Variants in GLP1R observed in about 807,000 individuals in gnomAD.
GLP1R encodes the protein glucagon like peptide 1 receptor, also known as glucagon-like peptide 1 receptor.
A neutral mutation model predicts 68.4 loss-of-function variants in GLP1R; 32 were observed. That is an observed-to-expected ratio of 0.47 (90% confidence interval 0.35 to 0.63). The LOEUF (loss-of-function observed/expected upper bound fraction) is 0.63. GLP1R is among the 20% of genes least tolerant of loss of function. GLP1R has a pLI of 0.00. For missense variants in GLP1R, 502 were observed against 594.9 expected (o/e 0.84, Z 1.62); for synonymous variants, 263 against 244.4 (o/e 1.08, Z -0.71).
At chr6:39,076,029 T>G (rs1458851260) in intron 7 of GLP1R, among the ~76,000 whole-genome samples, 1 of 152,236 alleles carries the variant, frequency 6.6e-6, no homozygotes, top group African/African-American at 2.4e-5. Flanking sequence ...GCAGCAGGGC[T>G]TTCGTGACTG....
intron 5 of GLP1R, among the ~76,000 whole-genome samples, chr6:39,069,342 T>A (rs947758462): frequency 6.6e-6 from 1 of 152,108 alleles, no homozygotes; most frequent in Non-Finnish European, 1.5e-5. Flanking sequence ...CTGTGAAGAT[T>A]GAAATTTTTG....
rs995794321 is a variant in GLP1R, at chr6:39,089,779, C to T, written c.*3706C>T. The stretch of plus-strand genomic sequence containing the variant: ...AAGTGGTAGATGCTTCCTCTCCATG[C>T]GCAGACAGGGCTCCCATTATTTGCT... On this transcript the variant is annotated 3_prime_UTR_variant, in exon 13 of 13. Transcript: ENST00000373256. This position sits in a 1 kb window ranked among gnomAD's most constrained non-coding sequence, Gnocchi z 4.1. 2.0e-5 allele frequency among the ~76,000 whole-genome samples: 3 copies of T among 152,168 alleles called. No individual in the cohort carries two copies. Among genetic ancestry groups the T allele is most frequent in the Non-Finnish European group, 4.4e-5 (3 of 68,026 alleles).
In GLP1R at chr6:39,090,004, A is replaced by G. The variant is rs1562023216; in HGVS notation, c.*3931A>G. ...CGTGCTAAACATTCAGCAGAAACCA[A>G]ATTAGGATCAACTCTTAACATTTTT... On this transcript the variant is annotated 3_prime_UTR_variant, in exon 13 of 13. Coordinates refer to ENST00000373256, the MANE Select transcript of GLP1R (RefSeq NM_002062.5). Among the ~76,000 whole-genome samples the G allele has an allele frequency of 6.6e-6, 1 of 152,158 alleles. No homozygotes were observed. The highest frequency in any genetic ancestry group is 1.5e-5 in the Non-Finnish European group (1 of 68,026).
intron 3 of GLP1R, among the ~76,000 whole-genome samples, chr6:39,061,063 G>T (rs754999601): frequency 1.3e-5 from 2 of 152,214 alleles, no homozygotes; most frequent in Non-Finnish European, 2.9e-5. Flanking sequence ...CTCCTCCAAG[G>T]AATGAGGGTT....
At chr6:39,071,116 G>A (rs1192169943) in intron 5 of GLP1R, among the ~76,000 whole-genome samples, 1 of 152,104 alleles carries the variant, frequency 6.6e-6, no homozygotes, top group African/African-American at 2.4e-5. Flanking sequence ...GGAGGCTGAG[G>A]TGGGTGGATC....
chr6:39,089,374 C>A lies in GLP1R; in HGVS notation c.*3301C>A, dbSNP rs576585696. Among the ~76,000 whole-genome samples the A allele has an allele frequency of 2.6e-4, 39 of 152,252 alleles. 1 individual carries two copies. The South Asian group carries it at 8.1e-3, about 32-fold the overall frequency. ...AAATAACCTAAAAGGTCTTGAACCT[C>A]CCCTTTACCTCTTTAGAACCTCTGA... On this transcript the variant is annotated 3_prime_UTR_variant, in exon 13 of 13. Transcript: ENST00000373256. The surrounding 1 kb of genome is among the most constrained non-coding windows in gnomAD (Gnocchi z 4.1).
At chr6:39,053,558 G>A (rs1316580260) in intron 1 of GLP1R, among the ~76,000 whole-genome samples, 1 of 152,160 alleles carries the variant, frequency 6.6e-6, no homozygotes, top group Non-Finnish European at 1.5e-5. Flanking sequence ...TAGAAATCAT[G>A]GGGATTGCTG....
intron 3 of GLP1R, among the ~76,000 whole-genome samples, chr6:39,062,296 A>G (rs1583623584): frequency 6.6e-6 from 1 of 152,272 alleles, no homozygotes; most frequent in Non-Finnish European, 1.5e-5. Flanking sequence ...GCTGTGATTT[A>G]CCAGCTCCTC....
chr6:39,061,984 A>G (rs1768368153), intron 3 of GLP1R, among the ~76,000 whole-genome samples: 1 of 151,996 alleles, frequency 6.6e-6, no homozygotes, highest in Non-Finnish European at 1.5e-5. Flanking sequence ...GGCCTCTCTG[A>G]GTCTCAGCTT....
At position 39,065,706 on chromosome 6, in the gene GLP1R, C is replaced by T. The variant is rs780828424; in HGVS notation, c.284-5C>T. 6.4e-7 allele frequency: 1 copy of T among 1,552,074 alleles called. No individual in the cohort carries two copies. The highest frequency in any genetic ancestry group is 1.9e-5 in the Admixed American group (1 of 51,818). On this transcript the variant is annotated splice_polypyrimidine_tract_variant and splice_region_variant and intron_variant, in intron 3 of 12. Coordinates refer to ENST00000373256, the MANE Select transcript of GLP1R (RefSeq NM_002062.5). The stretch of plus-strand genomic sequence containing the variant: ...GAGGCTCAGGGCCAGGTCTCCCCAC[C>T]CCAGTGCCGCAGGGCCACGTGTACC...
intron 12 of GLP1R, among the ~76,000 whole-genome samples, chr6:39,083,038 C>T (rs1222235320): frequency 1.3e-5 from 2 of 152,186 alleles, no homozygotes; most frequent in Admixed American, 1.3e-4. Context: ...CATGCACCAC[C>T]TATGGCTGGC....
chr6:39,057,430 A>T (rs1291861431), intron 2 of GLP1R, 42 bp from the exon 3 acceptor site: 1 of 1,286,390 alleles, frequency 7.8e-7, no homozygotes, highest in Non-Finnish European at 1.1e-6. Context: ...GGCCATGGCC[A>T]GTCACAAGCA....
intron 1 of GLP1R, 21 bp downstream of exon 1, chr6:39,048,939 C>G (rs755051538): frequency 3.6e-6 from 4 of 1,107,072 alleles, no homozygotes; most frequent in Admixed American, 6.4e-5. Flanking sequence ...GGGACCCCGA[C>G]GACACCGGGG....
intron 1 of GLP1R, among the ~76,000 whole-genome samples, chr6:39,051,728 C>T (rs1004230396): frequency 6.6e-6 from 1 of 151,952 alleles, no homozygotes; most frequent in Non-Finnish European, 1.5e-5. Context: ...GCTATATGAA[C>T]CCCCAGTTCC....
At chr6:39,062,317 T>C (rs1768373900) in intron 3 of GLP1R, among the ~76,000 whole-genome samples, 1 of 152,206 alleles carries the variant, frequency 6.6e-6, no homozygotes, top group Non-Finnish European at 1.5e-5. Flanking sequence ...CCAAGTCAGA[T>C]AAAGCTGGGT....
In GLP1R at chr6:39,060,703, C is replaced by T. The variant is rs561410706; in HGVS notation, c.283+3124C>T. On this transcript the variant is annotated intron_variant, in intron 3 of 12. Transcript: ENST00000373256. Reference sequence around the variant, plus strand: ...CCAACCCAACAGAGGCCAGGGAAGCCGAGGGGTGCTGTCCCATGGCTCAGG... The same window carrying T: ...CCAACCCAACAGAGGCCAGGGAAGCTGAGGGGTGCTGTCCCATGGCTCAGG... Among the ~76,000 whole-genome samples, 9 of 152,298 alleles carry T rather than the reference C, an allele frequency of 5.9e-5. No individual in the cohort carries two copies. In the South Asian group the frequency reaches 8.3e-4, roughly 14 times the overall value.
At chr6:39,050,282 C>A (rs1190660327) in intron 1 of GLP1R, among the ~76,000 whole-genome samples, 1 of 152,148 alleles carries the variant, frequency 6.6e-6, no homozygotes, top group Non-Finnish European at 1.5e-5. Flanking sequence ...GGTTCTTGCC[C>A]ATCGTTCCCT....
At chr6:39,050,612 C>T (rs1320240000) in intron 1 of GLP1R, among the ~76,000 whole-genome samples, 2 of 152,078 alleles carry the variant, frequency 1.3e-5, no homozygotes, top group East Asian at 3.9e-4. Context: ...TGAGGGGGTG[C>T]TCTTGTCATG....
chr6:39,052,234 A>C (rs1262931758), intron 1 of GLP1R, among the ~76,000 whole-genome samples: 2 of 152,076 alleles, frequency 1.3e-5, no homozygotes, highest in East Asian at 3.9e-4. Context: ...CTTAGGGAAA[A>C]AAAATGGATT....
Sources: allele counts gnomAD v4.1 joint callset (sites outside exome capture counted in the v4.1 genomes callset), GRCh38; gene constraint gnomAD v4.1.1; non-coding constraint Gnocchi (gnomAD v3.1); transcripts MANE v1.5; gene names NCBI Gene and HGNC (gene_info 2026-07-23, HGNC 2026-07-21).